Variants in KLF12 observed in about 807,000 individuals in gnomAD.
KLF12 encodes KLF transcription factor 12, also known as Krueppel-like factor 12.
Under a neutral mutation model 37.8 loss-of-function variants are expected in KLF12, and 9 were observed. That is an observed-to-expected ratio of 0.24 (90% CI 0.14 to 0.42). KLF12 has a LOEUF of 0.42. KLF12 is among the 10% of genes least tolerant of loss of function. The pLI is 1.00. For synonymous variants in KLF12, 208 were observed against 202.1 expected, an observed-to-expected ratio of 1.03 and a Z score of -0.25; for missense variants, 411 against 516.0, an observed-to-expected ratio of 0.80 and a Z score of 1.97.
At chr13:74,025,398 A>ATAGCAAC (rs1892948831) in intron 1 of KLF12, among the ~76,000 whole-genome samples, 1 of 152,108 alleles carries the variant, frequency 6.6e-6, no homozygotes, top group Non-Finnish European at 1.5e-5. Context: ...TCTATTTTCT[A>ATAGCAAC]AGGGAAGAAG....
At chr13:73,885,021 C>T (rs1887153398) in intron 3 of KLF12, among the ~76,000 whole-genome samples, 1 of 152,208 alleles carries the variant, frequency 6.6e-6, no homozygotes, top group South Asian at 2.1e-4. Flanking sequence ...CTCAAACTCT[C>T]AGTACTGAGA....
chr13:73,846,154 T>C lies in KLF12; in HGVS notation c.343A>G (p.Thr115Ala). 1 of 1,613,674 alleles carries C rather than the reference T, an allele frequency of 6.2e-7. No homozygotes were observed. The highest frequency in any genetic ancestry group is 8.5e-7 in the Non-Finnish European group (1 of 1,179,898). Residue 115 changes from threonine to alanine, a missense_variant, in exon 4 of 8, where the codon ACC becomes GCC. Transcript: ENST00000377669. ...AGACGACTAGAAGACGATGAAGAGG[T>C]TGAAGTTGAAGAAGGTGAGGAGGCA...
At chr13:74,071,626 G>C (rs939633243) in intron 1 of KLF12, among the ~76,000 whole-genome samples, 1 of 152,178 alleles carries the variant, frequency 6.6e-6, no homozygotes, top group Non-Finnish European at 1.5e-5. Flanking sequence ...TCGGGAGGCG[G>C]AGCTTGCAGT....
At chr13:74,018,582 T>A (rs2138409826) in intron 1 of KLF12, among the ~76,000 whole-genome samples, 1 of 152,270 alleles carries the variant, frequency 6.6e-6, no homozygotes, top group East Asian at 1.9e-4. Context: ...GTTAAAAAAA[T>A]AAACTTGAAG....
intron 1 of KLF12, among the ~76,000 whole-genome samples, chr13:74,058,604 C>T (rs1156312035): frequency 6.6e-6 from 1 of 151,950 alleles, no homozygotes; most frequent in African/African-American, 2.4e-5. Context: ...GATCCGCCCA[C>T]CTCGGCCTCC....
chr13:74,277,660 C>G, the KLF12 span, among the ~76,000 whole-genome samples: 1 of 152,138 alleles, frequency 6.6e-6, no homozygotes, highest in East Asian at 1.9e-4. Flanking sequence ...ACAATGAATT[C>G]TATAGGGCTA....
In KLF12 at chr13:73,720,184, C is replaced by T. The variant is rs145185941; in HGVS notation, c.870-4659G>A. Among the ~76,000 whole-genome samples, 874 of 152,172 alleles carry T rather than the reference C, an allele frequency of 5.7e-3. 6 individuals are homozygous for T. Among genetic ancestry groups the T allele is most frequent in the Middle Eastern group, 0.01 (3 of 294 alleles). ...CCTTACTCCTGGCAATATTATCTTG[C>T]CCCATCTCACTCGAGGGCTGTCCAT... On this transcript the variant is annotated intron_variant, in intron 6 of 7. Transcript: ENST00000377669.
the KLF12 span, among the ~76,000 whole-genome samples, chr13:74,183,212 G>C: frequency 6.6e-6 from 1 of 152,094 alleles, no homozygotes; most frequent in Non-Finnish European, 1.5e-5. Flanking sequence ...TATGACATAT[G>C]GTTCATGTCT....
chr13:73,869,801 TTAAG>T (rs1410744128), intron 3 of KLF12, among the ~76,000 whole-genome samples: 5 of 152,192 alleles, frequency 3.3e-5, no homozygotes, highest in Non-Finnish European at 7.4e-5. Flanking sequence ...TAATTTCCTC[TTAAG>T]TAAATTTGTT....
chr13:73,844,469 A>T (rs1420983003), intron 4 of KLF12, among the ~76,000 whole-genome samples: 14 of 152,218 alleles, frequency 9.2e-5, no homozygotes, highest in Admixed American at 9.2e-4. Flanking sequence ...CAAAGGAAAG[A>T]GATTATCAAG....
chr13:74,056,451 A>G (rs1393946519), intron 1 of KLF12, among the ~76,000 whole-genome samples: 1 of 152,210 alleles, frequency 6.6e-6, no homozygotes, highest in African/African-American at 2.4e-5. Context: ...ATGGTGTGTG[A>G]TGAATAAGAA....
chr13:74,100,252 G>A (rs1282598413), intron 1 of KLF12, among the ~76,000 whole-genome samples: 2 of 152,184 alleles, frequency 1.3e-5, no homozygotes, highest in Admixed American at 1.3e-4. Flanking sequence ...CAGAATAGGT[G>A]GAGGCTACAG....
At chr13:74,073,444 C>T (rs1194745889) in intron 1 of KLF12, among the ~76,000 whole-genome samples, 1 of 152,144 alleles carries the variant, frequency 6.6e-6, no homozygotes, top group Admixed American at 6.5e-5. Context: ...CTGCTCAATG[C>T]TGCTTAAGGA....
chr13:73,913,069 C>T (rs907243806), intron 3 of KLF12, among the ~76,000 whole-genome samples: 4 of 152,124 alleles, frequency 2.6e-5, no homozygotes, highest in African/African-American at 4.8e-5. Context: ...CACATTTCTC[C>T]GACACGTATC....
chr13:74,208,066 T>A, the KLF12 span, among the ~76,000 whole-genome samples: 1 of 152,170 alleles, frequency 6.6e-6, no homozygotes, highest in Non-Finnish European at 1.5e-5. Context: ...AATGCAGTAA[T>A]AAGTTTAAGT....
intron 6 of KLF12, among the ~76,000 whole-genome samples, chr13:73,758,661 T>G (rs901276837): frequency 1.5e-4 from 23 of 152,156 alleles, no homozygotes; most frequent in Non-Finnish European, 7.4e-5. Flanking sequence ...TGAAAATGTC[T>G]CAGAAGTGGT....
intron 3 of KLF12, among the ~76,000 whole-genome samples, chr13:73,856,370 G>A (rs937922968): frequency 6.6e-6 from 1 of 152,234 alleles, no homozygotes; most frequent in Admixed American, 6.5e-5. Flanking sequence ...TGACAAGGAT[G>A]TAGGAAAACT....
intron 1 of KLF12, among the ~76,000 whole-genome samples, chr13:74,129,894 C>T (rs1039478791): frequency 6.6e-6 from 1 of 152,128 alleles, no homozygotes; most frequent in Non-Finnish European, 1.5e-5. Context: ...CCATTTAATC[C>T]ACAGCATGTG....
At chr13:73,841,001 A>C (rs1884704923) in intron 4 of KLF12, among the ~76,000 whole-genome samples, 1 of 152,118 alleles carries the variant, frequency 6.6e-6, no homozygotes, top group Admixed American at 6.6e-5. Flanking sequence ...TTCCTTGATT[A>C]TACCTAAAGC....
Sources: gnomAD v4.1 joint callset for allele counts (sites outside exome capture counted in the v4.1 genomes callset) on GRCh38, gnomAD v4.1.1 for gene constraint, MANE v1.5 for transcripts, NCBI Gene and HGNC (gene_info 2026-07-23, HGNC 2026-07-21) for gene names.